The following CNTNAP4 variants were observed in gnomAD, a reference collection of about 807,000 sequenced individuals.
The protein encoded by CNTNAP4 is contactin associated protein family member 4.
In CNTNAP4, 98 loss-of-function variants were observed where a neutral mutation model predicts 148.4. That is an observed-to-expected ratio of 0.66 (90% CI 0.56 to 0.78). CNTNAP4 has a LOEUF of 0.78. CNTNAP4 is among the 30% of genes least tolerant of loss of function. The pLI, the probability that CNTNAP4 is intolerant of heterozygous loss-of-function variation, is 0.00. For synonymous variants in CNTNAP4, 730 were observed against 565.1 expected (o/e 1.29, Z -4.14); for missense variants, 1,935 against 1,565.6 (o/e 1.24, Z -3.98).
chr16:76,365,507 T>C (rs1305792079), intron 3 of CNTNAP4, among the ~76,000 whole-genome samples: 1 of 152,100 alleles, frequency 6.6e-6, no homozygotes, highest in Non-Finnish European at 1.5e-5. Context: ...TCCCAGCACT[T>C]TGGGAGGCCA....
intron 2 of CNTNAP4, among the ~76,000 whole-genome samples, chr16:76,320,762 CTT>C (rs1962320214): frequency 6.6e-6 from 1 of 152,092 alleles, no homozygotes; most frequent in Non-Finnish European, 1.5e-5. Flanking sequence ...GAAACCACAT[CTT>C]TTATAGTGTT....
intron 1 of CNTNAP4, among the ~76,000 whole-genome samples, chr16:76,290,932 T>C (rs1205896305): frequency 6.6e-6 from 1 of 152,166 alleles, no homozygotes. Flanking sequence ...CTCCTTGCTG[T>C]GTCTTATGTG....
chr16:76,473,885 G>T (rs2081468848), intron 10 of CNTNAP4, among the ~76,000 whole-genome samples: 1 of 150,340 alleles, frequency 6.7e-6, no homozygotes, highest in African/African-American at 2.5e-5. Flanking sequence ...TTTAATCTGG[G>T]ATGAATGAGG....
At chr16:76,473,839 GGT>G (rs1491275083) in intron 10 of CNTNAP4, among the ~76,000 whole-genome samples, 117 of 4,740 alleles carry the variant, frequency 0.025, no homozygotes, top group Admixed American at 0.034. Flanking sequence ...AGGTTTTGTA[GGT>G]TTTTTTTTTG....
intron 2 of CNTNAP4, among the ~76,000 whole-genome samples, chr16:76,345,381 C>G (rs540335002): frequency 5.9e-5 from 9 of 152,134 alleles, no homozygotes; most frequent in African/African-American, 1.9e-4. Flanking sequence ...TTAATAAAAA[C>G]AAAACAGTGA....
chr16:76,281,871 C>A (rs1186843172), intron 1 of CNTNAP4, among the ~76,000 whole-genome samples: 1 of 151,782 alleles, frequency 6.6e-6, no homozygotes, highest in Non-Finnish European at 1.5e-5. Flanking sequence ...TTTTATTCTT[C>A]CACTTATTAG....
intron 10 of CNTNAP4, among the ~76,000 whole-genome samples, chr16:76,470,682 G>A (rs940680590): frequency 4.0e-5 from 6 of 150,758 alleles, no homozygotes; most frequent in African/African-American, 1.5e-4. Context: ...AAAAAACCAG[G>A]AAGTAACATT....
At chr16:76,464,142 C>T (rs771446058) in intron 9 of CNTNAP4, among the ~76,000 whole-genome samples, 3 of 152,162 alleles carry the variant, frequency 2.0e-5, no homozygotes, top group Non-Finnish European at 4.4e-5. Context: ...CAGCCTTGTA[C>T]TTCCAGAACC....
chr16:76,287,968 C>G (rs955292725), intron 1 of CNTNAP4, among the ~76,000 whole-genome samples: 1 of 152,074 alleles, frequency 6.6e-6, no homozygotes, highest in Non-Finnish European at 1.5e-5. Context: ...TCAGTACTTG[C>G]TGATCTTTCC....
chr16:76,458,721 TTCTGCTGTGTG>T (rs2080828471), intron 8 of CNTNAP4, among the ~76,000 whole-genome samples: 1 of 152,180 alleles, frequency 6.6e-6, no homozygotes, highest in African/African-American at 2.4e-5. Context: ...GCCACTCACC[TTCTGCTGTGTG>T]ATCCAGTTCC....
At chr16:76,339,571 A>G (rs192384179) in intron 2 of CNTNAP4, among the ~76,000 whole-genome samples, 81 of 152,328 alleles carry the variant, frequency 5.3e-4, no homozygotes, top group Non-Finnish European at 8.7e-4. Context: ...GAAATGACAC[A>G]AAGAGAATTT....
At chr16:76,328,368 C>A (rs1483316048) in intron 2 of CNTNAP4, among the ~76,000 whole-genome samples, 1 of 152,154 alleles carries the variant, frequency 6.6e-6, no homozygotes, top group Non-Finnish European at 1.5e-5. Context: ...ACCTGACCAG[C>A]CATTCTCAGA....
At chr16:76,316,158 C>T (rs538748237) in intron 1 of CNTNAP4, 2 of 540,986 alleles carry the variant, frequency 3.7e-6, no homozygotes, top group East Asian at 2.9e-5. Context: ...ATAATCTTTT[C>T]TACCTTAAGA....
intron 17 of CNTNAP4, among the ~76,000 whole-genome samples, chr16:76,527,554 C>A (rs186900453): frequency 6.6e-6 from 1 of 152,058 alleles, no homozygotes; most frequent in Non-Finnish European, 1.5e-5. Flanking sequence ...ATGAGGTAAA[C>A]GTGATTCTGA....
At chr16:76,448,265 C>G (rs57938351) in intron 5 of CNTNAP4, 50 bp downstream of exon 5, 2 of 1,324,452 alleles carry the variant, frequency 1.5e-6, no homozygotes, top group Admixed American at 1.9e-5. Context: ...TAGATATCAC[C>G]TAAGTCACTT....
chr16:76,451,537 T>C (rs1338977669), intron 7 of CNTNAP4, among the ~76,000 whole-genome samples: 1 of 151,802 alleles, frequency 6.6e-6, no homozygotes, highest in African/African-American at 2.4e-5. Context: ...AGCAAGATTT[T>C]AAAATAGTAT....
intron 15 of CNTNAP4, among the ~76,000 whole-genome samples, chr16:76,514,278 T>C (rs2083149089): frequency 6.6e-6 from 1 of 152,214 alleles, no homozygotes; most frequent in African/African-American, 2.4e-5. Context: ...ATTTTATATA[T>C]TCTCTTACAT....
chr16:76,510,818 G>T (rs2082993139), intron 15 of CNTNAP4, among the ~76,000 whole-genome samples: 1 of 152,046 alleles, frequency 6.6e-6, no homozygotes, highest in Admixed American at 6.6e-5. Flanking sequence ...AACTAGACTG[G>T]ATAAATTTTC....
In CNTNAP4 at chr16:76,437,955, A is replaced by T. The variant is rs146073094; in HGVS notation, c.539-10057A>T. On this transcript the variant is annotated intron_variant, in intron 4 of 23. Coordinates refer to ENST00000611870, the MANE Select transcript of CNTNAP4 (RefSeq NM_033401.5). Reference sequence around the variant, plus strand: ...TAAAATTATAAGTGTTAAATAAAATATATTTTAAAAGCCTGCTTCAGAGTT... The same window carrying T: ...TAAAATTATAAGTGTTAAATAAAATTTATTTTAAAAGCCTGCTTCAGAGTT... Among the ~76,000 whole-genome samples, 8 of 152,306 alleles carry T rather than the reference A, an allele frequency of 5.3e-5. No individual in the cohort carries two copies. In the East Asian group the frequency reaches 1.5e-3, roughly 29 times the overall value.
Sources: allele counts gnomAD v4.1 joint callset (sites outside exome capture counted in the v4.1 genomes callset), GRCh38; gene constraint gnomAD v4.1.1; transcripts MANE v1.5; gene names NCBI Gene and HGNC (gene_info 2026-07-23, HGNC 2026-07-21).